MMEL1: variants seen among roughly 807,000 people sequenced by gnomAD.
The protein encoded by MMEL1 is membrane metallo-endopeptidase-like 1.
Under a neutral mutation model 117.1 loss-of-function variants are expected in MMEL1, and 98 were observed. The ratio of observed to expected loss-of-function variants is 0.84; its 90% CI spans 0.71 to 0.99. The LOEUF is 0.99. Among genes scored for constraint, MMEL1 ranks in the 50% least tolerant of loss-of-function variants. The pLI, the probability that MMEL1 is intolerant of heterozygous loss-of-function variation, is 0.00. For synonymous variants in MMEL1, 390 were observed against 415.1 expected (o/e 0.94, Z 0.74); for missense variants, 1,014 against 1,049.1 (o/e 0.97, Z 0.46).
intron 23 of MMEL1, 110 bp from the exon 24 acceptor site, chr1:2,591,199 T>C (rs1644691558): frequency 2.9e-6 from 2 of 700,154 alleles, no homozygotes; most frequent in East Asian, 2.8e-5. Context: ...TAATGGCTCA[T>C]GTCAGTATGA....
At chr1:2,606,924 C>G (rs2100943704) in intron 7 of MMEL1, 50 bp downstream of exon 7, 2 of 1,520,712 alleles carry the variant, frequency 1.3e-6, no homozygotes, top group South Asian at 1.1e-5. Flanking sequence ...GAGCCCTGGT[C>G]CTGGTCCTCC....
In MMEL1 at chr1:2,596,056, C is replaced by G. The variant is rs373436929; in HGVS notation, c.1453G>C (p.Glu485Gln). ...VRTVFVETLD[E>Q]LGWMDEESKK... ...GACTCCTCGTCCATCCAGCCCAGCT[C>G]GTCCAGCGTCTCCACAAACACTGTC... Residue 485 changes from glutamate to glutamine, a missense_variant, in exon 15 of 24, where the codon GAG (glutamate) becomes CAG (glutamine). Physicochemically the swap from Glu to Gln is conservative, Grantham distance 29. Transcript: ENST00000378412. 2.2e-5 allele frequency: 35 copies of G among 1,614,024 alleles called. No homozygotes were observed. Among genetic ancestry groups the G allele is most frequent in the Non-Finnish European group, 1.8e-5 (21 of 1,179,966 alleles).
At chr1:2,631,336 G>A (rs1638571528) in intron 1 of MMEL1, among the ~76,000 whole-genome samples, 1 of 152,116 alleles carries the variant, frequency 6.6e-6, no homozygotes, top group Non-Finnish European at 1.5e-5. Context: ...GGTGGGTCAG[G>A]GACTGGCTGC....
At chr1:2,598,519 T>C in intron 12 of MMEL1, 135 bp downstream of exon 12, 1 of 1,427,222 alleles carries the variant, frequency 7.0e-7, no homozygotes, top group Non-Finnish European at 9.5e-7. Flanking sequence ...CACTAAAGCT[T>C]AACCCCTCAT....
At position 2,598,671 on chromosome 1, in the gene MMEL1, G is replaced by C. The variant is rs368809746; in HGVS notation, c.1161C>G (p.Ile387Met). 2 of 1,614,070 alleles carry C rather than the reference G, an allele frequency of 1.2e-6. No individual in the cohort carries two copies. The highest frequency in any genetic ancestry group is 1.7e-5 in the Admixed American group (1 of 60,020). ...GGCCTCACCTGGCTGAGTAGGTGTC[G>C]ATGATGTTTTCAAGGTTCTGCAGGT... Reference protein sequence around the residue: ...IPYLQNLENIIDTYSARTIQN... With the variant: ...IPYLQNLENIMDTYSARTIQN... The change falls in exon 12 of 24, where the codon ATC becomes ATG. Residue 387 changes from isoleucine to methionine, a missense_variant. Coordinates refer to ENST00000378412, the MANE Select transcript of MMEL1 (RefSeq NM_033467.4).
At chr1:2,629,825 C>T in intron 1 of MMEL1, 1 of 224,276 alleles carries the variant, frequency 4.5e-6, no homozygotes, top group Non-Finnish European at 8.7e-6. Context: ...GTGGAGCCCC[C>T]CCCCTGGGCT....
At position 2,594,412 on chromosome 1, in the gene MMEL1, A is replaced by T. The variant is rs1379578980; in HGVS notation, c.1720T>A (p.Phe574Ile). ...WIIGAAVVNAFYSPNRNQIVF... is the reference protein window; with the variant it reads ...WIIGAAVVNAIYSPNRNQIVF... ...ATCTGGTTTCGGTTTGGGGAGTAGA[A>T]CGCATTGACCACCGCCGCCCCGATG... Residue 574 changes from phenylalanine to isoleucine, a missense_variant, in exon 18 of 24, where the codon TTC becomes ATC. Transcript: ENST00000378412. 6 of 1,551,574 alleles carry T rather than the reference A, an allele frequency of 3.9e-6. No homozygotes were observed. The East Asian group carries it at 1.2e-4, about 32-fold the overall frequency.
rs1039095379 is a variant in MMEL1, at chr1:2,593,047, G to A, written c.1868-81C>T. ...CCCACGGCAGCCACTGTGCCTGGCC[G>A]CTCCTGCCCCTCCTGCAGCCAGCCC... On this transcript the variant is annotated intron_variant, in intron 19 of 23. Coordinates refer to ENST00000378412, the MANE Select transcript of MMEL1 (RefSeq NM_033467.4). 46 of 1,538,744 alleles carry A rather than the reference G, an allele frequency of 3.0e-5. 1 individual carries two copies. The highest frequency in any genetic ancestry group is 2.1e-4 in the South Asian group (18 of 83,944).
Position 2,590,747 on chromosome 1 carries a change from G to C in MMEL1, c.*243C>G, listed in dbSNP as rs777794575. On this transcript the variant is annotated 3_prime_UTR_variant, in exon 24 of 24. Coordinates refer to ENST00000378412, the MANE Select transcript of MMEL1 (RefSeq NM_033467.4). ...TTGATTGTCTCTACAGAGCTGTGAC[G>C]GGGGCACTGAGCCCCGCGGGTGTCT... is the stretch of plus-strand genomic sequence containing the variant. 2.5e-6 allele frequency: 1 copy of C among 398,882 alleles called. No homozygotes were observed. Among genetic ancestry groups the C allele is most frequent in the Non-Finnish European group, 4.4e-6 (1 of 225,848 alleles). 24.7% of individuals were successfully genotyped at this position (398,882 alleles called of 1,614,324 possible).
At chr1:2,609,254 G>T in intron 6 of MMEL1, 85 bp downstream of exon 6, 1 of 1,349,668 alleles carries the variant, frequency 7.4e-7, no homozygotes. Context: ...GGGCAGCCAT[G>T]GGGTCCTGGG....
In MMEL1 at chr1:2,591,582, C is replaced by T. The variant is rs771995574; in HGVS notation, c.2215G>A (p.Asp739Asn). Residue 739 changes from aspartate (D) to asparagine (N), a missense_variant, in exon 23 of 24, where the codon GAC (aspartate) becomes AAC (asparagine). Asp to Asn is a conservative substitution (Grantham distance 23). Coordinates refer to ENST00000378412, the MANE Select transcript of MMEL1 (RefSeq NM_033467.4). ...PEFAIQSIKT[D>N]VHSPLKYRVL... is the part of the protein sequence containing the mutation. ...CTGTACTTCAGGGGACTGTGGACGT[C>T]TGTCTTGATGGATTGGATGGCGAAC... 1.7e-5 allele frequency: 28 copies of T among 1,612,518 alleles called. No individual in the cohort carries two copies. In the South Asian group the frequency reaches 2.4e-4, roughly 14 times the overall value.
At chr1:2,629,721 G>C (rs1444186127) in intron 1 of MMEL1, 200 bp from the exon 2 acceptor site, 2 of 497,498 alleles carry the variant, frequency 4.0e-6, no homozygotes, top group South Asian at 6.3e-5. Context: ...GAATCTCTGA[G>C]TGCATGGAGG....
intron 2 of MMEL1, among the ~76,000 whole-genome samples, chr1:2,614,699 T>C (rs1257574330): frequency 6.6e-6 from 1 of 152,028 alleles, no homozygotes; most frequent in East Asian, 1.9e-4. Context: ...GGAGTAGCAA[T>C]AAGCAAAGAA....
intron 4 of MMEL1, 114 bp downstream of exon 4, chr1:2,611,167 C>T (rs1366528308): frequency 8.3e-6 from 9 of 1,090,466 alleles, no homozygotes; most frequent in African/African-American, 1.6e-5. Context: ...CCGGCTCCAC[C>T]GCCCGCCGTG....
intron 2 of MMEL1, among the ~76,000 whole-genome samples, chr1:2,620,777 T>C (rs1165398126): frequency 6.9e-5 from 1 of 14,542 alleles, no homozygotes; most frequent in African/African-American, 1.2e-4. Flanking sequence ...AATAAAATAA[T>C]GAAAAAAAAA....
chr1:2,608,101 C>T (rs1337116969), intron 6 of MMEL1, among the ~76,000 whole-genome samples: 1 of 152,126 alleles, frequency 6.6e-6, no homozygotes, highest in African/African-American at 2.4e-5. Flanking sequence ...GGAGTATTGC[C>T]CAGAATGGGG....
At chr1:2,607,845 C>T (rs1242184895) in intron 6 of MMEL1, among the ~76,000 whole-genome samples, 1 of 152,014 alleles carries the variant, frequency 6.6e-6, no homozygotes, top group East Asian at 1.9e-4. Context: ...GAGGAAGGGA[C>T]AGACATTCCA....
Position 2,623,350 on chromosome 1 carries a change from G to A in MMEL1, c.154+5981C>T, listed in dbSNP as rs149198606. On this transcript the variant is annotated intron_variant, in intron 2 of 23. Transcript: ENST00000378412. ...GTAGAGAAGTTCTGCTTTTTGCCGA[G>A]GACATCAAAAGCTGCAATTGAATAT... 2.3e-3 allele frequency among the ~76,000 whole-genome samples: 346 copies of A among 152,090 alleles called. 1 individual carries two copies. Among genetic ancestry groups the A allele is most frequent in the African/African-American group, 8.0e-3 (331 of 41,494 alleles).
chr1:2,607,209 T>C (rs1382255881), intron 6 of MMEL1, 140 bp from the exon 7 acceptor site: 2 of 681,368 alleles, frequency 2.9e-6, no homozygotes, highest in Non-Finnish European at 5.1e-6. Flanking sequence ...CCTCCCAGCC[T>C]CTGGGCCTTT....
Sources: allele counts gnomAD v4.1 joint callset (sites outside exome capture counted in the v4.1 genomes callset), GRCh38; gene constraint gnomAD v4.1.1; transcripts MANE v1.5; gene names NCBI Gene and HGNC (gene_info 2026-07-23, HGNC 2026-07-21).